CSMD3: variants seen among roughly 807,000 people sequenced by gnomAD.
CSMD3 encodes the protein CUB and sushi domain-containing protein 3.
CSMD3 carries 177 observed loss-of-function variants against 435.2 expected under a neutral mutation model. The observed-to-expected ratio is 0.41, with a 90% CI of 0.36 to 0.46. CSMD3 has a LOEUF of 0.46. Ranked by LOEUF, CSMD3 falls within the 20% of genes least tolerant of loss-of-function variation. The pLI, the probability that CSMD3 is intolerant of heterozygous loss-of-function variation, is 0.34. For missense variants in CSMD3, 4,265 were observed against 4,504.6 expected (o/e 0.95, Z 1.52); for synonymous variants, 1,656 against 1,520.5 (o/e 1.09, Z -2.07).
At chr8:113,217,540 CTT>C (rs2092919028) in intron 3 of CSMD3, among the ~76,000 whole-genome samples, 1 of 151,452 alleles carries the variant, frequency 6.6e-6, no homozygotes, top group African/African-American at 2.4e-5. Flanking sequence ...CATTAGAAAT[CTT>C]AGAATTAAAA....
At chr8:112,883,027 C>G (rs977291744) in intron 10 of CSMD3, among the ~76,000 whole-genome samples, 2 of 151,836 alleles carry the variant, frequency 1.3e-5, no homozygotes, top group Non-Finnish European at 2.9e-5. Context: ...ACAGTGGGCC[C>G]ACCTGGTAAA....
At chr8:113,247,291 G>A (rs571478967) in intron 3 of CSMD3, among the ~76,000 whole-genome samples, 2 of 152,244 alleles carry the variant, frequency 1.3e-5, no homozygotes, top group Middle Eastern at 3.4e-3. Flanking sequence ...GACCAACTTG[G>A]TATATGAGAC....
chr8:112,760,247 A>G (rs1177426886), intron 13 of CSMD3, among the ~76,000 whole-genome samples: 1 of 152,184 alleles, frequency 6.6e-6, no homozygotes, highest in Non-Finnish European at 1.5e-5. Flanking sequence ...ATGAATTAAT[A>G]TGTACTTTTT....
intron 30 of CSMD3, 78 bp downstream of exon 30, chr8:112,503,712 G>T: frequency 1.0e-6 from 1 of 984,228 alleles, no homozygotes; most frequent in African/African-American, 1.6e-5. Context: ...CACTAACAAT[G>T]GGCCATACCA....
intron 7 of CSMD3, 140 bp downstream of exon 7, chr8:112,975,697 C>T: frequency 8.0e-7 from 1 of 1,252,930 alleles, no homozygotes; most frequent in Non-Finnish European, 1.1e-6. Flanking sequence ...TGTTACTATC[C>T]ATATTTTTCA....
intron 32 of CSMD3, among the ~76,000 whole-genome samples, chr8:112,451,255 T>C (rs1273544058): frequency 1.3e-5 from 2 of 152,080 alleles, no homozygotes; most frequent in Non-Finnish European, 2.9e-5. Flanking sequence ...AAGTTATAAA[T>C]GACTTTAAAA....
chr8:113,156,948 G>T (rs1044538430), intron 4 of CSMD3, among the ~76,000 whole-genome samples: 1 of 151,480 alleles, frequency 6.6e-6, no homozygotes, highest in Non-Finnish European at 1.5e-5. Context: ...GAGAGAGAGA[G>T]AGAGAGAGAC....
chr8:112,495,423 GT>G (rs1377502811), intron 30 of CSMD3, among the ~76,000 whole-genome samples: 2 of 152,126 alleles, frequency 1.3e-5, no homozygotes, highest in Non-Finnish European at 2.9e-5. Flanking sequence ...CAAGCATCCG[GT>G]TTTTTGAGGA....
intron 5 of CSMD3, among the ~76,000 whole-genome samples, chr8:113,092,200 T>A (rs2090028717): frequency 6.6e-6 from 1 of 152,080 alleles, no homozygotes; most frequent in African/African-American, 2.4e-5. Context: ...CTGTCTCACT[T>A]TTTAGTTATT....
At chr8:112,349,720 AC>A (rs1428979436) in intron 40 of CSMD3, among the ~76,000 whole-genome samples, 1 of 152,134 alleles carries the variant, frequency 6.6e-6, no homozygotes, top group African/African-American at 2.4e-5. Flanking sequence ...TAATCATAGT[AC>A]CTTAAAAACT....
rs1456201554 is a variant in CSMD3, at chr8:112,876,331, A to G, written c.1634-17065T>C. ...AGACTCCTCCCTAACTCATTTTATGAGGCCAGCATCATCCTGATACCAAAA... is the reference window on the plus strand; with the variant it reads ...AGACTCCTCCCTAACTCATTTTATGGGGCCAGCATCATCCTGATACCAAAA... On this transcript the variant is annotated intron_variant, in intron 10 of 70. Coordinates refer to ENST00000297405, the MANE Select transcript of CSMD3 (RefSeq NM_198123.2). 2.0e-5 allele frequency among the ~76,000 whole-genome samples: 3 copies of G among 151,840 alleles called. No homozygotes were observed. The East Asian group carries it at 5.9e-4, about 30-fold the overall frequency.
intron 38 of CSMD3, 27 bp from the exon 39 acceptor site, chr8:112,352,561 A>T (rs1218989720): frequency 5.1e-6 from 8 of 1,578,956 alleles, no homozygotes; most frequent in Non-Finnish European, 8.7e-7. Flanking sequence ...ATAACAATTT[A>T]AGTAACTTTC....
chr8:112,700,493 C>T (rs1379537889), intron 13 of CSMD3, among the ~76,000 whole-genome samples: 1 of 152,096 alleles, frequency 6.6e-6, no homozygotes, highest in African/African-American at 2.4e-5. Flanking sequence ...AAAAGCAGAA[C>T]TCCATCTCAA....
intron 1 of CSMD3, among the ~76,000 whole-genome samples, chr8:113,351,050 C>G (rs1477542718): frequency 6.6e-6 from 1 of 152,048 alleles, no homozygotes; most frequent in East Asian, 1.9e-4. Context: ...TACCATAGCA[C>G]TGGCATGCAC....
Position 113,273,950 on chromosome 8 carries a change from T to C in CSMD3, c.514+4642A>G, listed in dbSNP as rs910004308. 4.6e-5 allele frequency among the ~76,000 whole-genome samples: 7 copies of C among 152,126 alleles called. 1 individual carries two copies. On this transcript the variant is annotated intron_variant, in intron 3 of 70. Coordinates refer to ENST00000297405, the MANE Select transcript of CSMD3 (RefSeq NM_198123.2). ...TTGGTAGCAATTGCCTAGAGCTAAA[T>C]AAAATATAAGAATAAGTGAAAGTAA...
Position 112,472,712 on chromosome 8 carries a change from G to C in CSMD3, c.5279-5C>G, listed in dbSNP as rs766826350. On this transcript the variant is annotated splice_region_variant and splice_polypyrimidine_tract_variant and intron_variant, in intron 31 of 70. Coordinates refer to ENST00000297405, the MANE Select transcript of CSMD3 (RefSeq NM_198123.2). ...TTGAACGACTTCCACAGGGCGCTAG[G>C]AAAAAATGGCAAAAATATCATTTTT... 4.5e-5 allele frequency: 69 copies of C among 1,526,656 alleles called. No homozygotes were observed. In the South Asian group the frequency reaches 4.6e-4, roughly 10 times the overall value. The allele number at this position is 1,526,656 out of a possible 1,614,324, so 94.6% of individuals were successfully genotyped here.
At chr8:112,995,018 A>G (rs1218950278) in intron 6 of CSMD3, among the ~76,000 whole-genome samples, 8 of 151,538 alleles carry the variant, frequency 5.3e-5, no homozygotes, top group Non-Finnish European at 1.5e-5. Context: ...TACAGAGTGT[A>G]CTCATTCTAT....
At chr8:112,528,813 C>T (rs539395802) in intron 27 of CSMD3, among the ~76,000 whole-genome samples, 1 of 152,106 alleles carries the variant, frequency 6.6e-6, no homozygotes. Flanking sequence ...TCACTCCTAG[C>T]TCCCAGCTTC....
chr8:113,038,947 A>C (rs1263093419), intron 5 of CSMD3, among the ~76,000 whole-genome samples: 1 of 152,160 alleles, frequency 6.6e-6, no homozygotes, highest in Non-Finnish European at 1.5e-5. Context: ...TAACATGACA[A>C]ATGGGGAATG....
Sources: gnomAD v4.1 joint callset for allele counts (sites outside exome capture counted in the v4.1 genomes callset) on GRCh38, gnomAD v4.1.1 for gene constraint, MANE v1.5 for transcripts, NCBI Gene and HGNC (gene_info 2026-07-23, HGNC 2026-07-21) for gene names.